CRY1: variants seen among roughly 807,000 people sequenced by gnomAD.
CRY1 encodes cryptochrome circadian regulator 1, also known as cryptochrome-1.
CRY1 carries 45 observed loss-of-function variants against 76.0 expected under a neutral mutation model. The observed-to-expected ratio is 0.59, with a 90% confidence interval of 0.47 to 0.76. The LOEUF (loss-of-function observed/expected upper bound fraction) is 0.76. Ranked by LOEUF, CRY1 falls within the 30% of genes least tolerant of loss-of-function variation. The pLI is 0.00. For synonymous variants in CRY1, 248 were observed against 244.0 expected (o/e 1.02, Z -0.15); for missense variants, 587 against 716.4 (o/e 0.82, Z 2.06).
chr12:106,996,950 A>C (rs567530080), intron 10 of CRY1, among the ~76,000 whole-genome samples: 6 of 152,344 alleles, frequency 3.9e-5, no homozygotes, highest in African/African-American at 1.2e-4. Flanking sequence ...TTTCTTAACT[A>C]ATTACCTTAT....
chr12:107,014,666 A>G (rs936380104), intron 2 of CRY1, among the ~76,000 whole-genome samples: 1 of 152,034 alleles, frequency 6.6e-6, no homozygotes, highest in East Asian at 1.9e-4. Context: ...TTTCTAATAC[A>G]ATATTGAAAG....
At chr12:107,054,383 TAA>T (rs1193565295) in intron 1 of CRY1, among the ~76,000 whole-genome samples, 1 of 151,558 alleles carries the variant, frequency 6.6e-6, no homozygotes, top group African/African-American at 2.4e-5. Context: ...ATAAATTTAT[TAA>T]GTCTGATAAA....
At position 107,093,169 on chromosome 12, in the gene CRY1, A is replaced by G; in HGVS notation, c.-208T>C. 1.8e-6 allele frequency: 1 copy of G among 552,880 alleles called. No individual in the cohort carries two copies. 34.2% of individuals were successfully genotyped at this position (552,880 alleles called of 1,614,324 possible). A position where few individuals can be genotyped will look rare whatever the true frequency, so the allele number is the denominator to read the frequency against. On this transcript the variant is annotated 5_prime_UTR_variant, in exon 1 of 13. Coordinates refer to ENST00000008527, the MANE Select transcript of CRY1 (RefSeq NM_004075.5). ...GTGGAAAGATGAATGGAGGTTGCCT[A>G]GTCGGCGGAGTCCGGGTGTGACGCC...
chr12:107,003,358 C>T (rs1288979252), intron 3 of CRY1, among the ~76,000 whole-genome samples: 1 of 152,008 alleles, frequency 6.6e-6, no homozygotes, highest in East Asian at 1.9e-4. Context: ...TAGCATTTGG[C>T]CTTAATAAAA....
At chr12:107,028,062 A>G (rs1316820386) in intron 1 of CRY1, among the ~76,000 whole-genome samples, 5 of 152,214 alleles carry the variant, frequency 3.3e-5, no homozygotes, top group Non-Finnish European at 7.4e-5. Flanking sequence ...AACTGATTCA[A>G]AGAATATAAA....
At chr12:107,021,679 T>C (rs1451724742) in intron 2 of CRY1, among the ~76,000 whole-genome samples, 2 of 151,906 alleles carry the variant, frequency 1.3e-5, no homozygotes, top group Non-Finnish European at 2.9e-5. Context: ...CACAAACACA[T>C]GGATGTGTGT....
rs1334300435 is a variant in CRY1 at position 106,991,495 on chromosome 12, C to T, written c.*507G>A. ...AAAAGGTTTACATCAAAGTTTAAAA[C>T]ATATACTGTCTGTGTTAACAGAGGC... On this transcript the variant is annotated 3_prime_UTR_variant, in exon 13 of 13. Coordinates refer to ENST00000008527, the MANE Select transcript of CRY1 (RefSeq NM_004075.5). 1 of 152,610 alleles carries T rather than the reference C, an allele frequency of 6.6e-6. No individual in the cohort carries two copies. The highest frequency in any genetic ancestry group is 1.5e-5 in the Non-Finnish European group (1 of 68,020). 9.5% of individuals were successfully genotyped at this position (152,610 alleles called of 1,614,324 possible).
chr12:107,081,152 T>C (rs1565846686), intron 1 of CRY1, among the ~76,000 whole-genome samples: 1 of 152,092 alleles, frequency 6.6e-6, no homozygotes, highest in Non-Finnish European at 1.5e-5. Flanking sequence ...CATTTATAGA[T>C]TTGGTTACTG....
chr12:107,069,029 A>C (rs1953147013), intron 1 of CRY1, among the ~76,000 whole-genome samples: 1 of 152,126 alleles, frequency 6.6e-6, no homozygotes, highest in African/African-American at 2.4e-5. Flanking sequence ...ATGGACATTC[A>C]TGTATAAGTT....
At chr12:107,068,408 G>A (rs763611588) in intron 1 of CRY1, among the ~76,000 whole-genome samples, 3 of 152,052 alleles carry the variant, frequency 2.0e-5, no homozygotes, top group African/African-American at 4.8e-5. Flanking sequence ...AGCAATTCCT[G>A]CCTCAGCCTC....
At chr12:107,077,162 A>AAC (rs145688902) in intron 1 of CRY1, among the ~76,000 whole-genome samples, 6,166 of 150,910 alleles carry the variant, frequency 0.041, 232 homozygotes, top group African/African-American at 0.1. Flanking sequence ...CATACACACA[A>AAC]ACACACACAC....
chr12:107,003,662 T>A (rs1007827012), intron 3 of CRY1, among the ~76,000 whole-genome samples: 1 of 152,200 alleles, frequency 6.6e-6, no homozygotes, highest in African/African-American at 2.4e-5. Flanking sequence ...AATGTAATGA[T>A]GCTACAATAA....
chr12:107,044,359 C>T (rs7309618), intron 1 of CRY1, among the ~76,000 whole-genome samples: 20,979 of 152,092 alleles, frequency 0.14, 2,589 homozygotes, highest in African/African-American at 0.32. Flanking sequence ...CAGCTGCTGC[C>T]GCCACAAAGT....
chr12:107,062,322 T>A lies in CRY1; in HGVS notation c.158+30482A>T, dbSNP rs148816100. Among the ~76,000 whole-genome samples the A allele has an allele frequency of 2.6e-4, 40 of 152,264 alleles. No individual in the cohort carries two copies. The East Asian group carries it at 6.2e-3, about 23-fold the overall frequency. ...ACAATTTTCACTTGATTATTATAGT[T>A]TTAATTATATTCATAATTTGTATTA... is the stretch of plus-strand genomic sequence containing the variant. On this transcript the variant is annotated intron_variant, in intron 1 of 12. Transcript: ENST00000008527.
chr12:106,992,529 A>G lies in CRY1; in HGVS notation c.*258T>C, dbSNP rs1270249438. On this transcript the variant is annotated intron_variant, in intron 12 of 12. Coordinates refer to ENST00000008527, the MANE Select transcript of CRY1 (RefSeq NM_004075.5). ...AAAAGTTGTCTTTTTCTAAGAAAAA[A>G]CTTGACCACAAAATCATAAACATCT... 11 of 298,944 alleles carry G rather than the reference A, an allele frequency of 3.7e-5. No homozygotes were observed. The South Asian group carries it at 7.9e-4, about 22-fold the overall frequency. The allele number at this position is 298,944 out of a possible 1,614,324, so 18.5% of individuals were successfully genotyped here. A position where few individuals can be genotyped will look rare whatever the true frequency, so the allele number is the denominator to read the frequency against.
chr12:107,044,085 C>T (rs1593521870), intron 1 of CRY1, among the ~76,000 whole-genome samples: 1 of 152,132 alleles, frequency 6.6e-6, no homozygotes, highest in African/African-American at 2.4e-5. Context: ...GTATCCAACC[C>T]TGCCACAGAA....
intron 1 of CRY1, among the ~76,000 whole-genome samples, chr12:107,084,182 G>A (rs1199409108): frequency 6.6e-6 from 1 of 152,070 alleles, no homozygotes; most frequent in Non-Finnish European, 1.5e-5. Flanking sequence ...AATAAGAGAG[G>A]ACACAAACAA....
At chr12:106,993,704 C>T (rs80024695) in intron 10 of CRY1, among the ~76,000 whole-genome samples, 1,886 of 152,100 alleles carry the variant, frequency 0.012, 33 homozygotes, top group African/African-American at 0.043. Context: ...CACTTACTTT[C>T]GTTTTAATTA....
intron 2 of CRY1, among the ~76,000 whole-genome samples, chr12:107,015,520 A>G (rs1391839329): frequency 6.6e-6 from 1 of 151,934 alleles, no homozygotes. Context: ...ATTTTTAAAA[A>G]TTTTTGTAGA....
Sources: gnomAD v4.1 joint callset for allele counts (sites outside exome capture counted in the v4.1 genomes callset) on GRCh38, gnomAD v4.1.1 for gene constraint, MANE v1.5 for transcripts, NCBI Gene and HGNC (gene_info 2026-07-23, HGNC 2026-07-21) for gene names.